The following ANK3 variants were observed in gnomAD, a reference collection of about 807,000 sequenced individuals.
ANK3 encodes the protein ankyrin 3.
In ANK3, 57 loss-of-function variants were observed where a neutral mutation model predicts 370.9. The ratio of observed to expected loss-of-function variants is 0.15; its 90% CI spans 0.12 to 0.19. ANK3 has a LOEUF of 0.19. Ranked by LOEUF, ANK3 falls within the 10% of genes least tolerant of loss-of-function variation. The pLI, the probability that ANK3 is intolerant of heterozygous loss-of-function variation, is 1.00. For missense variants in ANK3, 4,439 were observed against 5,302.1 expected (o/e 0.84, Z 5.06); for synonymous variants, 1,929 against 1,946.3 (o/e 0.99, Z 0.23).
intron 23 of ANK3, among the ~76,000 whole-genome samples, chr10:60,148,575 A>C (rs1451364508): frequency 1.3e-5 from 2 of 152,220 alleles, no homozygotes. Flanking sequence ...ATTCTTTCTT[A>C]TTAGTACTCC....
intron 23 of ANK3, among the ~76,000 whole-genome samples, chr10:60,149,720 G>A (rs2095007238): frequency 6.6e-6 from 1 of 152,164 alleles, no homozygotes; most frequent in Non-Finnish European, 1.5e-5. Flanking sequence ...TTGTTTTGTT[G>A]TTATTTGAGA....
intron 18 of ANK3, among the ~76,000 whole-genome samples, chr10:60,180,615 C>CAAAAAAAAAAAAA (rs990463587): frequency 9.4e-6 from 1 of 106,148 alleles, no homozygotes; most frequent in African/African-American, 3.5e-5. Flanking sequence ...AAAAAAAAAC[C>CAAAAAAAAAAAAA]AAAAAAAAAA....
chr10:60,144,018 G>A (rs114701455), intron 23 of ANK3, among the ~76,000 whole-genome samples: 7 of 152,324 alleles, frequency 4.6e-5, no homozygotes, highest in Middle Eastern at 6.8e-3. Context: ...CTCAGCTGTC[G>A]CTGCCATCCT....
At chr10:60,336,705 C>T (rs751267417) in intron 1 of ANK3, among the ~76,000 whole-genome samples, 7 of 152,270 alleles carry the variant, frequency 4.6e-5, no homozygotes, top group Non-Finnish European at 8.8e-5. Flanking sequence ...GTGCATTTTA[C>T]GTAAGACAAC....
intron 2 of ANK3, among the ~76,000 whole-genome samples, chr10:60,581,099 G>A (rs2077744788): frequency 1.3e-5 from 2 of 152,330 alleles, no homozygotes; most frequent in East Asian, 1.9e-4. Flanking sequence ...TGGTACAGAC[G>A]AGGTGCATTA....
chr10:60,569,173 A>AG (rs1488272286), intron 2 of ANK3, among the ~76,000 whole-genome samples: 3 of 152,182 alleles, frequency 2.0e-5, no homozygotes, highest in African/African-American at 7.2e-5. Flanking sequence ...ATAATATCAG[A>AG]GGGGGCAATA....
At chr10:60,606,913 G>T (rs2078136032) in intron 2 of ANK3, among the ~76,000 whole-genome samples, 1 of 152,154 alleles carries the variant, frequency 6.6e-6, no homozygotes, top group Non-Finnish European at 1.5e-5. Context: ...CCCAGATCCG[G>T]CAGGAAGAAC....
chr10:60,593,764 A>T (rs1567169720), intron 2 of ANK3, among the ~76,000 whole-genome samples: 6 of 152,210 alleles, frequency 3.9e-5, no homozygotes. Context: ...GGTGAAGTGG[A>T]TGGTTGCCTC....
chr10:60,059,683 A>G (rs749782714), intron 40 of ANK3: 28 of 1,601,516 alleles, frequency 1.7e-5, no homozygotes, highest in African/African-American at 2.7e-5. Flanking sequence ...TTTCCAAGGT[A>G]TTGAGGATAC....
intron 1 of ANK3, among the ~76,000 whole-genome samples, chr10:60,383,179 G>A (rs2061780097): frequency 6.6e-6 from 1 of 152,036 alleles, no homozygotes; most frequent in African/African-American, 2.4e-5. Context: ...CTCAACTTTG[G>A]TTAATGACTC....
At chr10:60,132,820 T>C (rs2094157692) in intron 25 of ANK3, among the ~76,000 whole-genome samples, 1 of 75,802 alleles carries the variant, frequency 1.3e-5, no homozygotes, top group Non-Finnish European at 2.8e-5. Flanking sequence ...TTTCACCACG[T>C]TGGCAGGCTG....
At chr10:60,667,777 A>T (rs913436402) in intron 1 of ANK3, among the ~76,000 whole-genome samples, 1 of 151,298 alleles carries the variant, frequency 6.6e-6, no homozygotes, top group Admixed American at 6.6e-5. Flanking sequence ...AACATGGTCA[A>T]TCCTCAGCTC....
At chr10:60,252,051 C>A (rs899217695) in intron 7 of ANK3, among the ~76,000 whole-genome samples, 1 of 152,182 alleles carries the variant, frequency 6.6e-6, no homozygotes, top group Non-Finnish European at 1.5e-5. Flanking sequence ...GATCTTCTAT[C>A]TGAATTTATT....
chr10:60,595,473 A>G (rs2077975033), intron 2 of ANK3, among the ~76,000 whole-genome samples: 1 of 152,148 alleles, frequency 6.6e-6, no homozygotes, highest in African/African-American at 2.4e-5. Context: ...CCAGTTTACT[A>G]GTCCAGATGG....
upstream of ANK3, chr10:60,389,906 G>A: frequency 1.0e-6 from 1 of 967,860 alleles, no homozygotes; most frequent in Non-Finnish European, 1.2e-6. Context: ...TGCTGCAAAG[G>A]ATGCTTCTCC....
At chr10:60,221,727 G>A (rs2132487541) in intron 8 of ANK3, among the ~76,000 whole-genome samples, 1 of 152,292 alleles carries the variant, frequency 6.6e-6, no homozygotes, top group South Asian at 2.1e-4. Context: ...ATGAGTGCTG[G>A]CTCTACAAGA....
At chr10:60,617,577 G>C (rs908778688) in intron 1 of ANK3, among the ~76,000 whole-genome samples, 1 of 152,116 alleles carries the variant, frequency 6.6e-6, no homozygotes, top group Non-Finnish European at 1.5e-5. Context: ...AATCCCTTCA[G>C]TGCCTAGCAC....
chr10:60,723,208 C>G (rs1225939104), intron 1 of ANK3, among the ~76,000 whole-genome samples: 1 of 152,216 alleles, frequency 6.6e-6, no homozygotes, highest in African/African-American at 2.4e-5. Flanking sequence ...GAAATCATCT[C>G]TTGAATCTAA....
intron 7 of ANK3, among the ~76,000 whole-genome samples, chr10:60,237,068 C>T (rs2097344868): frequency 6.6e-6 from 1 of 152,244 alleles, no homozygotes; most frequent in Non-Finnish European, 1.5e-5. Flanking sequence ...CAGCTTTCGA[C>T]TGTGTATAAC....
Sources: gnomAD v4.1 joint callset for allele counts (sites outside exome capture counted in the v4.1 genomes callset) on GRCh38, gnomAD v4.1.1 for gene constraint, MANE v1.5 for transcripts, NCBI Gene and HGNC (gene_info 2026-07-23, HGNC 2026-07-21) for gene names.